EXPH5: variants seen among roughly 807,000 people sequenced by gnomAD.
EXPH5 encodes exophilin 5.
Under a neutral mutation model 41.1 loss-of-function variants are expected in EXPH5, and 42 were observed. The ratio of observed to expected loss-of-function variants is 1.02; its 90% confidence interval spans 0.80 to 1.32. EXPH5 has a LOEUF of 1.32. EXPH5 is among the 40% of genes most tolerant of loss of function. EXPH5 has a pLI of 0.00. For missense variants in EXPH5, 2,298 were observed against 2,314.5 expected (o/e 0.99, Z 0.15); for synonymous variants, 798 against 833.5 (o/e 0.96, Z 0.73).
Position 108,514,426 on chromosome 11 carries a change from G to A in EXPH5, c.1081C>T (p.Gln361Ter). The change falls in exon 6 of 6, where the codon CAG (glutamine) becomes TAG (stop). Residue 361 changes from glutamine (Q) to a stop codon, truncating the protein, a stop_gained. Coordinates refer to ENST00000265843, the MANE Select transcript of EXPH5 (RefSeq NM_015065.3). LOFTEE classifies it low-confidence loss of function (END_TRUNC). Reference sequence around the variant, plus strand: ...GATAAAGGAGTTCTCTTTGGACTCTGCTGGTGCCTTGGTGGTATAAACCCA... The same window carrying A: ...GATAAAGGAGTTCTCTTTGGACTCTACTGGTGCCTTGGTGGTATAAACCCA... ...KSGFIPPRHQQSPKRTPLSSI... is the reference protein window; with the variant it reads ...KSGFIPPRHQ 1 of 1,614,154 alleles carries A rather than the reference G, an allele frequency of 6.2e-7. No individual in the cohort carries two copies. Among genetic ancestry groups the A allele is most frequent in the East Asian group, 2.2e-5 (1 of 44,884 alleles).
At chr11:108,546,245 T>G (rs1452800536) in intron 1 of EXPH5, among the ~76,000 whole-genome samples, 1 of 152,054 alleles carries the variant, frequency 6.6e-6, no homozygotes, top group African/African-American at 2.4e-5. Context: ...TGTTTGGTCA[T>G]GGAGCAATGA....
At chr11:108,555,184 A>C (rs952984846) in intron 1 of EXPH5, among the ~76,000 whole-genome samples, 1 of 152,248 alleles carries the variant, frequency 6.6e-6, no homozygotes, top group Non-Finnish European at 1.5e-5. Context: ...CTCACACTGC[A>C]CTGAATGCAC....
intron 1 of EXPH5, among the ~76,000 whole-genome samples, chr11:108,583,336 C>T (rs564421132): frequency 6.6e-6 from 1 of 150,984 alleles, no homozygotes; most frequent in Non-Finnish European, 1.5e-5. Context: ...CGCACGACTG[C>T]ACTCCAGCCT....
chr11:108,533,503 T>C (rs2093857805), intron 3 of EXPH5, among the ~76,000 whole-genome samples: 1 of 152,276 alleles, frequency 6.6e-6, no homozygotes, highest in African/African-American at 2.4e-5. Flanking sequence ...TCGCCCGGCC[T>C]ACATTCTAAA....
chr11:108,593,862 C>T (rs1432449844), upstream of EXPH5: 2 of 914,760 alleles, frequency 2.2e-6, no homozygotes, highest in East Asian at 2.6e-5. Flanking sequence ...TCGTCCCGTC[C>T]CTCGTCCCCT....
chr11:108,585,810 A>G (rs916881615), intron 1 of EXPH5, among the ~76,000 whole-genome samples: 5 of 152,268 alleles, frequency 3.3e-5, no homozygotes, highest in African/African-American at 9.6e-5. Context: ...GCATTATTTA[A>G]TATCATCAAA....
At chr11:108,518,448 C>T (rs1004047155) in intron 4 of EXPH5, 75 bp from the exon 5 acceptor site, 7 of 1,343,402 alleles carry the variant, frequency 5.2e-6, no homozygotes, top group Non-Finnish European at 7.3e-6. Flanking sequence ...TCCCACCAAA[C>T]TGTCCCAAGC....
chr11:108,567,559 G>T (rs566572590), intron 1 of EXPH5, among the ~76,000 whole-genome samples: 1 of 152,072 alleles, frequency 6.6e-6, no homozygotes, highest in South Asian at 2.1e-4. Flanking sequence ...CTCATGTCCT[G>T]TCCTCCCAAA....
At chr11:108,528,848 G>A (rs113425740) in intron 3 of EXPH5, among the ~76,000 whole-genome samples, 7 of 151,650 alleles carry the variant, frequency 4.6e-5, no homozygotes, top group African/African-American at 1.7e-4. Flanking sequence ...GATTACAGGC[G>A]CCTGCCACCA....
intron 1 of EXPH5, among the ~76,000 whole-genome samples, chr11:108,589,430 A>G (rs1003670772): frequency 4.6e-5 from 7 of 152,216 alleles, no homozygotes; most frequent in African/African-American, 1.4e-4. Flanking sequence ...TGACATATAC[A>G]GTCCTGTTCA....
chr11:108,525,364 C>G lies in EXPH5; in HGVS notation c.492+2772G>C, dbSNP rs1035450353. On this transcript the variant is annotated intron_variant, in intron 4 of 5. Transcript: ENST00000265843. ...GTACAGAGCTGGCAGTATCACTGGA[C>G]AGTAGCCAGAGTTTGTTCAGAGATA... Among the ~76,000 whole-genome samples, 8 of 152,254 alleles carry G rather than the reference C, an allele frequency of 5.3e-5. No homozygotes were observed. The East Asian group carries it at 1.5e-3, about 29-fold the overall frequency.
At position 108,541,734 on chromosome 11, in the gene EXPH5, T is replaced by C. The variant is rs373505400; in HGVS notation, c.198A>G (p.Lys66=). Residue 66 remains lysine, a synonymous_variant, in exon 2 of 6, where the codon AAA becomes AAG. Coordinates refer to ENST00000265843, the MANE Select transcript of EXPH5 (RefSeq NM_015065.3). ...TGEWFEEIQR[K]KFCNETDVSQ... ...TAACATCTGTTTCATTGCAAAACTT[T>C]TTTCTTTGAATTTCTTCAAACCATT... 747 of 1,613,446 alleles carry C rather than the reference T, an allele frequency of 4.6e-4. 8 individuals are homozygous for C. The South Asian group carries it at 7.4e-3, about 16-fold the overall frequency.
Position 108,511,921 on chromosome 11 carries a change from C to A in EXPH5, c.3586G>T (p.Ala1196Ser). ...GCAAATACACTTCTCCTGGAGGCAG[C>A]CATTTTACCCTCTTTCTCAGTGTAT... The part of the protein sequence containing the change: ...QEYTEKEGKM[A>S]ASRRSVFALS... The change falls in exon 6 of 6, where the codon GCT becomes TCT. Residue 1196 changes from alanine (A) to serine (S), a missense_variant. By Grantham distance (99) the Ala-to-Ser change is moderately conservative (BLOSUM62 1). Coordinates refer to ENST00000265843, the MANE Select transcript of EXPH5 (RefSeq NM_015065.3). The A allele has an allele frequency of 6.3e-7, 1 of 1,597,316 alleles. No homozygotes were observed. The highest frequency in any genetic ancestry group is 8.5e-7 in the Non-Finnish European group (1 of 1,175,226).
chr11:108,536,280 CTT>C (rs779211146), intron 3 of EXPH5, among the ~76,000 whole-genome samples: 26 of 140,340 alleles, frequency 1.9e-4, no homozygotes, highest in Non-Finnish European at 2.2e-4. Context: ...ATCTTTTTGC[CTT>C]TTTTTTTTTT....
At chr11:108,597,132 T>C (rs1225036874), upstream of EXPH5, among the ~76,000 whole-genome samples, 1 of 151,946 alleles carries the variant, frequency 6.6e-6, no homozygotes, top group Non-Finnish European at 1.5e-5. Flanking sequence ...TTTTCCATCC[T>C]TGACAATCAC....
the EXPH5 span, among the ~76,000 whole-genome samples, chr11:108,605,722 T>C: frequency 3.3e-5 from 5 of 152,216 alleles, no homozygotes; most frequent in African/African-American, 4.8e-5. Context: ...ACTCAGTTTC[T>C]CTGATGCTTC....
Position 108,506,283 on chromosome 11 carries a change from T to C in EXPH5, c.*3254A>G. 1 of 152,330 alleles carries C rather than the reference T, an allele frequency of 6.6e-6. No individual in the cohort carries two copies. Among genetic ancestry groups the C allele is most frequent in the Admixed American group, 6.5e-5 (1 of 15,304 alleles). The allele number at this position is 152,330 out of a possible 1,614,324, so 9.4% of individuals were successfully genotyped here. A position where few individuals can be genotyped will look rare whatever the true frequency, so the allele number is the denominator to read the frequency against. The stretch of plus-strand genomic sequence containing the variant: ...TACATAGAAATTTGCTATACTTCTT[T>C]AACAAGTGCTTTATAAAAGTATAAA... On this transcript the variant is annotated 3_prime_UTR_variant, in exon 6 of 6. Transcript: ENST00000265843.
intron 3 of EXPH5, among the ~76,000 whole-genome samples, chr11:108,529,447 C>T (rs1472895617): frequency 6.6e-6 from 1 of 152,170 alleles, no homozygotes; most frequent in African/African-American, 2.4e-5. Flanking sequence ...ATCCTCCTAC[C>T]TCAGCCTCTC....
At chr11:108,569,388 G>A (rs143351605) in intron 1 of EXPH5, among the ~76,000 whole-genome samples, 1 of 152,164 alleles carries the variant, frequency 6.6e-6, no homozygotes, top group African/African-American at 2.4e-5. Context: ...CACGCAAGCT[G>A]GAGTGCAATG....
Sources: gnomAD v4.1 joint callset for allele counts (sites outside exome capture counted in the v4.1 genomes callset) on GRCh38, gnomAD v4.1.1 for gene constraint, MANE v1.5 for transcripts, NCBI Gene and HGNC (gene_info 2026-07-23, HGNC 2026-07-21) for gene names.